Variants in PROM1 observed in about 807,000 individuals in gnomAD.
PROM1 encodes prominin-1.
Under a neutral mutation model 116.9 loss-of-function variants are expected in PROM1, and 105 were observed. The observed-to-expected ratio is 0.90, with a 90% CI of 0.77 to 1.06. The LOEUF is 1.06. Among genes scored for constraint, PROM1 ranks in the 50% least tolerant of loss-of-function variants. The pLI, the probability that PROM1 is intolerant of heterozygous loss-of-function variation, is 0.00. For missense variants in PROM1, 1,122 were observed against 1,045.2 expected, an observed-to-expected ratio of 1.07 and a Z score of -1.01; for synonymous variants, 393 against 387.0, an observed-to-expected ratio of 1.02 and a Z score of -0.18.
At chr4:16,036,491 T>A in intron 3 of PROM1, among the ~76,000 whole-genome samples, 1 of 152,176 alleles carries the variant, frequency 6.6e-6, no homozygotes, top group Non-Finnish European at 1.5e-5. Context: ...CAGGGCATTT[T>A]AAATGATCCC....
At chr4:16,003,286 C>A (rs1724337732) in intron 13 of PROM1, 1 of 456,608 alleles carries the variant, frequency 2.2e-6, no homozygotes, top group Non-Finnish European at 4.4e-6. Flanking sequence ...ACTATCATAA[C>A]TAATACTGCA....
At position 16,038,945 on chromosome 4, in the gene PROM1, C is replaced by T; in HGVS notation, c.276+1G>A. 1 of 1,474,368 alleles carries T rather than the reference C, an allele frequency of 6.8e-7. No individual in the cohort carries two copies. The highest frequency in any genetic ancestry group is 1.4e-5 in the African/African-American group (1 of 69,112). The allele number at this position is 1,474,368 out of a possible 1,614,324, so 91.3% of individuals were successfully genotyped here. The stretch of plus-strand genomic sequence containing the variant: ...TAATAAATACACCAATGAAAAATTA[C>T]CTTGTCATAATCAATTTTGGATTCA... On this transcript the variant is annotated splice_donor_variant, in intron 3 of 27. Coordinates refer to ENST00000447510, the MANE Select transcript of PROM1 (RefSeq NM_006017.3). LOFTEE classifies it high-confidence loss of function.
chr4:16,042,204 A>G (rs1309327389), intron 2 of PROM1, among the ~76,000 whole-genome samples: 3 of 152,232 alleles, frequency 2.0e-5, no homozygotes, highest in African/African-American at 7.2e-5. Context: ...AGAGCTTTCA[A>G]GCAAAAATCA....
chr4:15,985,535 T>C (rs1719145746), intron 22 of PROM1: 1 of 504,682 alleles, frequency 2.0e-6, no homozygotes, highest in Non-Finnish European at 3.4e-6. Flanking sequence ...GGGAAGCAAA[T>C]GGAAGAACTG....
At chr4:16,063,124 C>A (rs1740731380) in intron 2 of PROM1, among the ~76,000 whole-genome samples, 1 of 152,156 alleles carries the variant, frequency 6.6e-6, no homozygotes, top group African/African-American at 2.4e-5. Flanking sequence ...TGAATCTGAT[C>A]TCTATAAGTA....
chr4:16,076,091 A>C lies in PROM1; in HGVS notation c.-185T>G. 2 of 1,264,700 alleles carry C rather than the reference A, an allele frequency of 1.6e-6. No homozygotes were observed. The highest frequency in any genetic ancestry group is 1.1e-6 in the Non-Finnish European group (1 of 951,526). The allele number at this position is 1,264,700 out of a possible 1,614,324, so 78.3% of individuals were successfully genotyped here. The stretch of plus-strand genomic sequence containing the variant: ...GAGGGATGCGGAAGAATGTTCTCCA[A>C]GGGGGTCATTCACTCAAGGCACCAT... On this transcript the variant is annotated 5_prime_UTR_variant, in exon 2 of 28. Coordinates refer to ENST00000447510, the MANE Select transcript of PROM1 (RefSeq NM_006017.3).
In PROM1 at chr4:16,029,516, C is replaced by T. The variant is rs74988552; in HGVS notation, c.509+3788G>A. On this transcript the variant is annotated intron_variant, in intron 5 of 27. Coordinates refer to ENST00000447510, the MANE Select transcript of PROM1 (RefSeq NM_006017.3). ...ATTCGATCTTGTGCTGATGGTCAAACAGACTGCATAAACATATGTCAGTGT... is the reference window on the plus strand; with the variant it reads ...ATTCGATCTTGTGCTGATGGTCAAATAGACTGCATAAACATATGTCAGTGT... Among the ~76,000 whole-genome samples the T allele has an allele frequency of 1.8e-3, 268 of 152,242 alleles. 8 individuals are homozygous for T. The East Asian group carries it at 0.045, about 25-fold the overall frequency.
chr4:15,986,141 CG>C, intron 20 of PROM1, 104 bp from the exon 21 acceptor site: 1 of 752,914 alleles, frequency 1.3e-6, no homozygotes, highest in Non-Finnish European at 2.2e-6. Context: ...TGCAACACCA[CG>C]ACCTGGACCT....
chr4:16,041,387 T>C (rs1735189130), intron 2 of PROM1, among the ~76,000 whole-genome samples: 1 of 152,232 alleles, frequency 6.6e-6, no homozygotes, highest in Non-Finnish European at 1.5e-5. Context: ...CTCTTTCATA[T>C]ACATCAAAGT....
Position 15,989,833 on chromosome 4 carries a change from A to C in PROM1, c.1984-9T>G. Reference sequence around the variant, plus strand: ...CTCAAATTTCCTGGGGGCTACAAAAAGAATAAAAAACAAAGATCAATACCA... The same window carrying C: ...CTCAAATTTCCTGGGGGCTACAAAACGAATAAAAAACAAAGATCAATACCA... On this transcript the variant is annotated splice_polypyrimidine_tract_variant and intron_variant, in intron 18 of 27. Coordinates refer to ENST00000447510, the MANE Select transcript of PROM1 (RefSeq NM_006017.3). 6.3e-7 allele frequency: 1 copy of C among 1,580,740 alleles called. No homozygotes were observed. The highest frequency in any genetic ancestry group is 1.1e-5 in the South Asian group (1 of 87,364).
At chr4:16,058,437 C>T (rs1321122241) in intron 2 of PROM1, among the ~76,000 whole-genome samples, 1 of 152,138 alleles carries the variant, frequency 6.6e-6, no homozygotes, top group Non-Finnish European at 1.5e-5. Flanking sequence ...CACCTGAGGT[C>T]AGGAGTTCAA....
At chr4:15,980,571 G>C in intron 23 of PROM1, 34 bp from the exon 24 acceptor site, 1 of 1,314,656 alleles carries the variant, frequency 7.6e-7, no homozygotes, top group South Asian at 1.3e-5. Flanking sequence ...TTAAATGTTT[G>C]AAGATAAGAA....
intron 2 of PROM1, among the ~76,000 whole-genome samples, chr4:16,070,623 C>G (rs1213166599): frequency 6.6e-6 from 1 of 152,174 alleles, no homozygotes; most frequent in Non-Finnish European, 1.5e-5. Context: ...AGTCTTACAG[C>G]AGATACTGAG....
intron 18 of PROM1, among the ~76,000 whole-genome samples, chr4:15,990,172 T>C (rs557407243): frequency 1.2e-3 from 176 of 152,174 alleles, no homozygotes; most frequent in Non-Finnish European, 2.1e-3. Context: ...ACTCAATGAA[T>C]GTTTAATTTA....
intron 16 of PROM1, 25 bp from the exon 17 acceptor site, chr4:15,992,416 C>CA (rs764194633): frequency 6.2e-7 from 1 of 1,609,430 alleles, no homozygotes; most frequent in South Asian, 1.1e-5. Flanking sequence ...AGTTACAAAT[C>CA]AGTCCCTTAT....
At chr4:16,012,889 AAAC>A (rs1186812546) in intron 11 of PROM1, among the ~76,000 whole-genome samples, 35 of 148,340 alleles carry the variant, frequency 2.4e-4, no homozygotes, top group East Asian at 1.6e-3. Context: ...AAAAAAAAAA[AAAC>A]AACAAACTTT....
intron 2 of PROM1, among the ~76,000 whole-genome samples, chr4:16,059,884 G>C (rs1482178189): frequency 6.6e-6 from 1 of 152,128 alleles, no homozygotes; most frequent in Non-Finnish European, 1.5e-5. Context: ...TAGTAAGACT[G>C]TTAGGGGTAG....
At chr4:16,002,453 A>G (rs867309638) in intron 13 of PROM1, among the ~76,000 whole-genome samples, 1 of 152,158 alleles carries the variant, frequency 6.6e-6, no homozygotes. Context: ...ACTAGGAAGG[A>G]GCCTCAGAAG....
At chr4:16,081,026 T>C (rs1744933774) in intron 1 of PROM1, among the ~76,000 whole-genome samples, 1 of 151,202 alleles carries the variant, frequency 6.6e-6, no homozygotes, top group African/African-American at 2.4e-5. Context: ...AAGAAGTCCT[T>C]TTATATATAT....
Sources: gnomAD v4.1 joint callset for allele counts (sites outside exome capture counted in the v4.1 genomes callset) on GRCh38, gnomAD v4.1.1 for gene constraint, MANE v1.5 for transcripts, NCBI Gene and HGNC (gene_info 2026-07-23, HGNC 2026-07-21) for gene names.